The following RALGAPA1 variants were observed in gnomAD, a reference collection of about 807,000 sequenced individuals.
RALGAPA1 encodes the protein Ral GTPase activating protein catalytic subunit alpha 1.
Under a neutral mutation model 269.6 loss-of-function variants are expected in RALGAPA1, and 52 were observed. That is an observed-to-expected ratio of 0.19 (90% CI 0.15 to 0.24). The LOEUF is 0.24. RALGAPA1 is among the 10% of genes least tolerant of loss of function. RALGAPA1 has a pLI of 1.00. For missense variants in RALGAPA1, 1,917 were observed against 3,013.9 expected, an observed-to-expected ratio of 0.64 and a Z score of 8.52; for synonymous variants, 817 against 1,008.3, an observed-to-expected ratio of 0.81 and a Z score of 3.60.
At chr14:35,747,610 G>A (rs1474969443) in intron 10 of RALGAPA1, among the ~76,000 whole-genome samples, 1 of 152,178 alleles carries the variant, frequency 6.6e-6, no homozygotes, top group Non-Finnish European at 1.5e-5. Flanking sequence ...AGAGCTCCCT[G>A]GAATGTGAAT....
chr14:35,622,128 T>C (rs1234722222), intron 35 of RALGAPA1, among the ~76,000 whole-genome samples: 1 of 152,172 alleles, frequency 6.6e-6, no homozygotes, highest in Admixed American at 6.5e-5. Context: ...TGTCCATCAA[T>C]GATAGACTGA....
rs1239530046 is a variant in RALGAPA1 at position 35,567,789 on chromosome 14, G to A, written c.7496+2828C>T. ...TCAATAAGTTGAGTTCCTATTTTAT[G>A]ACACAAGAGGCAAATAGAGTTTTGC... On this transcript the variant is annotated intron_variant, in intron 39 of 41. Coordinates refer to ENST00000680220, the MANE Select transcript of RALGAPA1 (RefSeq NM_001346249.2). 3.3e-5 allele frequency among the ~76,000 whole-genome samples: 5 copies of A among 152,096 alleles called. No individual in the cohort carries two copies. In the East Asian group the frequency reaches 9.6e-4, roughly 29 times the overall value.
chr14:35,689,483 T>G lies in RALGAPA1; in HGVS notation c.2928A>C (p.Glu976Asp). 1 of 1,235,298 alleles carries G rather than the reference T, an allele frequency of 8.1e-7. No individual in the cohort carries two copies. The highest frequency in any genetic ancestry group is 1.0e-6 in the Non-Finnish European group (1 of 990,250). The allele number at this position is 1,235,298 out of a possible 1,614,324, so 76.5% of individuals were successfully genotyped here. A position where few individuals can be genotyped will look rare whatever the true frequency, so the allele number is the denominator to read the frequency against. The change falls in exon 18 of 42, where the codon GAA (glutamate) becomes GAC (aspartate). Residue 976 changes from glutamate (E) to aspartate (D), a missense_variant. By Grantham distance (45) the Glu-to-Asp change is conservative. This residue lies in a region of RALGAPA1 where 615 missense variants were observed against 790.0 expected (regional missense o/e 0.78). Transcript: ENST00000680220. ...QEVTIAVNRG[E>D]RLSLDKLECT... ...ATTCTAATTTATCTAAGGATAATCTTTCACCCCTATTTACTGCAATAGTCA... is the reference window on the plus strand; with the variant it reads ...ATTCTAATTTATCTAAGGATAATCTGTCACCCCTATTTACTGCAATAGTCA...
At chr14:35,553,635 A>G (rs890001947) in intron 39 of RALGAPA1, among the ~76,000 whole-genome samples, 1 of 152,014 alleles carries the variant, frequency 6.6e-6, no homozygotes, top group East Asian at 1.9e-4. Context: ...AAGAAATGGA[A>G]ATGTGTGTGT....
intron 41 of RALGAPA1, among the ~76,000 whole-genome samples, chr14:35,548,016 T>C (rs1355464221): frequency 6.6e-6 from 1 of 152,110 alleles, no homozygotes; most frequent in Non-Finnish European, 1.5e-5. Flanking sequence ...GAAGGTTTAT[T>C]ATGATAAACT....
chr14:35,648,938 T>C (rs1307845923), intron 31 of RALGAPA1, among the ~76,000 whole-genome samples: 1 of 152,228 alleles, frequency 6.6e-6, no homozygotes, highest in African/African-American at 2.4e-5. Flanking sequence ...TACTGAATCA[T>C]CTTCTCTGCC....
At chr14:35,732,090 C>T (rs2070531588) in intron 12 of RALGAPA1, among the ~76,000 whole-genome samples, 1 of 152,244 alleles carries the variant, frequency 6.6e-6, no homozygotes, top group South Asian at 2.1e-4. Context: ...TCAGCCTCCT[C>T]AAACAAAACA....
intron 35 of RALGAPA1, among the ~76,000 whole-genome samples, chr14:35,608,703 A>C (rs1453680691): frequency 4.6e-5 from 7 of 152,228 alleles, no homozygotes; most frequent in African/African-American, 7.2e-5. Flanking sequence ...ATGCAAAACA[A>C]AGACAGAGCT....
chr14:35,696,536 G>A (rs951753016), intron 17 of RALGAPA1, among the ~76,000 whole-genome samples: 4 of 151,710 alleles, frequency 2.6e-5, no homozygotes, highest in Non-Finnish European at 5.9e-5. Context: ...ACTGGAGGAG[G>A]AAAAATGGGC....
chr14:35,652,307 C>T (rs2062881116), intron 30 of RALGAPA1, among the ~76,000 whole-genome samples: 1 of 151,892 alleles, frequency 6.6e-6, no homozygotes, highest in Non-Finnish European at 1.5e-5. Flanking sequence ...CAACAAAAAA[C>T]CACTGTAATC....
At chr14:35,666,225 T>C (rs915008238) in intron 26 of RALGAPA1, among the ~76,000 whole-genome samples, 1 of 152,106 alleles carries the variant, frequency 6.6e-6, no homozygotes, top group African/African-American at 2.4e-5. Context: ...AAGGGTCATC[T>C]AGCATGTCTG....
intron 1 of RALGAPA1, among the ~76,000 whole-genome samples, chr14:35,801,498 C>T (rs188181687): frequency 1.1e-4 from 17 of 152,210 alleles, no homozygotes; most frequent in Admixed American, 9.8e-4. Context: ...GAACTCCTGA[C>T]CTCTAGTGAT....
At chr14:35,794,707 C>T (rs1297483787) in intron 1 of RALGAPA1, among the ~76,000 whole-genome samples, 4 of 152,178 alleles carry the variant, frequency 2.6e-5, no homozygotes, top group Non-Finnish European at 4.4e-5. Context: ...CCGCCCACCT[C>T]GGCCTCCCAA....
At position 35,808,856 on chromosome 14, in the gene RALGAPA1, TG is replaced by T; in HGVS notation, c.-22del. 1 of 1,600,810 alleles carries T rather than the reference TG, an allele frequency of 6.2e-7. No individual in the cohort carries two copies. ...AACATCCTGTCGCTGCCACTGCCAC[TG>T]CCACTGCCACAGCCGGCTCCCAGCC... On this transcript the variant is annotated 5_prime_UTR_variant, in exon 1 of 42. Transcript: ENST00000680220.
intron 18 of RALGAPA1, among the ~76,000 whole-genome samples, chr14:35,686,902 T>C (rs919120699): frequency 6.6e-6 from 1 of 152,226 alleles, no homozygotes; most frequent in Non-Finnish European, 1.5e-5. Context: ...GCAAGAAAGC[T>C]TATAGATAAG....
At chr14:35,561,915 A>C (rs2056293329) in intron 39 of RALGAPA1, among the ~76,000 whole-genome samples, 1 of 152,160 alleles carries the variant, frequency 6.6e-6, no homozygotes, top group African/African-American at 2.4e-5. Flanking sequence ...AGATCCTACT[A>C]CAATGGTTAG....
intron 20 of RALGAPA1, among the ~76,000 whole-genome samples, chr14:35,684,587 T>C (rs1229625687): frequency 6.6e-6 from 1 of 152,184 alleles, no homozygotes; most frequent in Non-Finnish European, 1.5e-5. Context: ...ATGCTCTTAA[T>C]TTGGCAACAT....
intron 1 of RALGAPA1, among the ~76,000 whole-genome samples, chr14:35,801,177 G>A (rs1321274092): frequency 6.6e-6 from 1 of 150,748 alleles, no homozygotes; most frequent in East Asian, 1.9e-4. Flanking sequence ...GGAAAAGAAA[G>A]ACAAATTATC....
intron 16 of RALGAPA1, among the ~76,000 whole-genome samples, chr14:35,700,639 T>G (rs1200341539): frequency 6.6e-6 from 1 of 152,180 alleles, no homozygotes; most frequent in Admixed American, 6.5e-5. Flanking sequence ...ATGAAAACAT[T>G]GAAAATAACT....
Sources: gnomAD v4.1 joint callset for allele counts (sites outside exome capture counted in the v4.1 genomes callset) on GRCh38, gnomAD v4.1.1 for gene constraint, gnomAD v4.1.1 regional missense constraint, MANE v1.5 for transcripts, NCBI Gene and HGNC (gene_info 2026-07-23, HGNC 2026-07-21) for gene names.